The following TRMT2B variants were observed in gnomAD, a reference collection of about 807,000 sequenced individuals.
TRMT2B encodes tRNA (uracil-5-)-methyltransferase homolog B.
A neutral mutation model predicts 39.7 loss-of-function variants in TRMT2B; 34 were observed. The observed-to-expected ratio is 0.86, with a 90% CI of 0.65 to 1.14. TRMT2B has a LOEUF of 1.14. Among genes scored for constraint, TRMT2B ranks in the 50% most tolerant of loss-of-function variants. The pLI, the probability that TRMT2B is intolerant of heterozygous loss-of-function variation, is 0.00. For missense variants in TRMT2B, 318 were observed against 377.2 expected (o/e 0.84, Z 1.30); for synonymous variants, 132 against 137.3 (o/e 0.96, Z 0.27).
chrX:101,031,711 GAAA>G (rs35274868), intron 7 of TRMT2B, among the ~76,000 whole-genome samples: 12 of 84,076 alleles, frequency 1.4e-4, no homozygotes, highest in African/African-American at 5.1e-4. Context: ...TCTGTCGTAG[GAAA>G]AAAAAAAAAA....
chrX:100,975,064 T>C, the TRMT2B span, among the ~76,000 whole-genome samples: 1 of 111,813 alleles, frequency 8.9e-6, no homozygotes, highest in East Asian at 2.8e-4. Flanking sequence ...AAGGACTTAA[T>C]ATAAAAGTCT....
intron 10 of TRMT2B, 115 bp from the exon 11 acceptor site, chrX:101,020,703 T>A (rs996384887): frequency 1.7e-6 from 1 of 596,166 alleles, no homozygotes; most frequent in Non-Finnish European, 2.8e-6. Context: ...AGGGTCTCAC[T>A]CTGTAGCCTA....
chrX:101,035,213 G>A (rs771498399), intron 7 of TRMT2B, among the ~76,000 whole-genome samples: 13 of 110,890 alleles, frequency 1.2e-4, no homozygotes, highest in African/African-American at 2.3e-4. Context: ...AGAAAAAAAC[G>A]TATCAGAGGC....
chrX:101,003,972 A>G, the TRMT2B span, among the ~76,000 whole-genome samples: 1 of 109,664 alleles, frequency 9.1e-6, no homozygotes, highest in African/African-American at 3.3e-5. Flanking sequence ...CTGGGACTAC[A>G]GACATGCACC....
chrX:101,016,347 T>A (rs2086510450), intron 13 of TRMT2B, among the ~76,000 whole-genome samples: 1 of 112,042 alleles, frequency 8.9e-6, no homozygotes, highest in South Asian at 3.7e-4. Flanking sequence ...AATGATATAA[T>A]ATGTGGTCTT....
At chrX:100,986,850 C>A in the TRMT2B span, 1 of 1,204,099 alleles carries the variant, frequency 8.3e-7, no homozygotes, top group African/African-American at 1.8e-5. Flanking sequence ...ATATTATTGA[C>A]TATCTACTTC....
At chrX:101,022,911 C>G (rs1248604383) in intron 8 of TRMT2B, among the ~76,000 whole-genome samples, 1 of 112,093 alleles carries the variant, frequency 8.9e-6, no homozygotes, top group Non-Finnish European at 1.9e-5. Context: ...CATCAGGCAT[C>G]AAAGGACCTG....
chrX:101,032,822 G>A lies in TRMT2B; in HGVS notation c.609+2791C>T, dbSNP rs928186659. On this transcript the variant is annotated intron_variant, in intron 7 of 13. Coordinates refer to ENST00000372936, the MANE Select transcript of TRMT2B (RefSeq NM_024917.6). Reference sequence around the variant, plus strand: ...CTAGAGACCAGCAAAAGAAGCCCCAGGATAACAGCCATGCAGAAGACAGGC... The same window carrying A: ...CTAGAGACCAGCAAAAGAAGCCCCAAGATAACAGCCATGCAGAAGACAGGC... 5.7e-5 allele frequency among the ~76,000 whole-genome samples: 6 copies of A among 106,017 alleles called. No individual in the cohort carries two copies. The Admixed American group carries it at 6.3e-4, about 11-fold the overall frequency. 92.1% of individuals were successfully genotyped at this position (106,017 alleles called of 115,157 possible). A position where few individuals can be genotyped will look rare whatever the true frequency, so the allele number is the denominator to read the frequency against.
downstream of TRMT2B, among the ~76,000 whole-genome samples, chrX:101,008,205 T>C (rs1267509421): frequency 8.9e-6 from 1 of 111,982 alleles, no homozygotes; most frequent in Non-Finnish European, 1.9e-5. Flanking sequence ...AAAGGAACTC[T>C]GTTTTCTGGC....
chrX:101,039,131 A>T (rs12387839), intron 4 of TRMT2B, among the ~76,000 whole-genome samples: 1,713 of 109,869 alleles, frequency 0.016, 48 homozygotes, highest in African/African-American at 0.055. Flanking sequence ...TGCAGTGGCG[A>T]GATCTCTGCT....
chrX:101,030,696 T>G (rs748041114), intron 7 of TRMT2B, among the ~76,000 whole-genome samples: 8 of 109,949 alleles, frequency 7.3e-5, no homozygotes, highest in Non-Finnish European at 1.5e-4. Context: ...TCCGCCCGCC[T>G]TGGGCTCCCA....
chrX:100,975,314 C>T, the TRMT2B span, among the ~76,000 whole-genome samples: 1 of 111,239 alleles, frequency 9.0e-6, no homozygotes, highest in African/African-American at 3.3e-5. Flanking sequence ...TCATTATCTA[C>T]CTGCTAAATC....
In TRMT2B at chrX:101,023,438, G is replaced by A. The variant is rs541250513; in HGVS notation, c.756+32C>T. On this transcript the variant is annotated intron_variant, in intron 8 of 13. Coordinates refer to ENST00000372936, the MANE Select transcript of TRMT2B (RefSeq NM_024917.6). ...ACAGTTATAGTTAGTAGTAGTAAAA[G>A]TTAAGGTTGCTTAACATCTTGTGAG... 1.9e-4 allele frequency: 227 copies of A among 1,194,912 alleles called. 1 individual carries two copies. The South Asian group carries it at 3.7e-3, about 20-fold the overall frequency.
chrX:101,027,735 TTC>T (rs2087195965), intron 7 of TRMT2B, among the ~76,000 whole-genome samples: 1 of 111,093 alleles, frequency 9.0e-6, no homozygotes, highest in Non-Finnish European at 1.9e-5. Context: ...ACTCCTGGAT[TTC>T]TCTCTCTTGA....
chrX:100,975,910 A>G, the TRMT2B span, among the ~76,000 whole-genome samples: 1 of 110,829 alleles, frequency 9.0e-6, no homozygotes, highest in Non-Finnish European at 1.9e-5. Flanking sequence ...CTGGAATTAC[A>G]GGTGTGAGCC....
intron 7 of TRMT2B, among the ~76,000 whole-genome samples, chrX:101,027,365 G>A (rs766427813): frequency 9.2e-6 from 1 of 108,903 alleles, no homozygotes; most frequent in South Asian, 4.1e-4. Context: ...CTGAGTAGCT[G>A]GGACTACAGG....
intron 9 of TRMT2B, among the ~76,000 whole-genome samples, 200 bp downstream of exon 9, chrX:101,021,768 G>A (rs2086815424): frequency 8.9e-6 from 1 of 112,914 alleles, no homozygotes; most frequent in African/African-American, 3.2e-5. Context: ...AGCTCTGCAA[G>A]GGTTTCCCCC....
At chrX:100,977,851 G>A in the TRMT2B span, among the ~76,000 whole-genome samples, 1 of 111,971 alleles carries the variant, frequency 8.9e-6, no homozygotes, top group Non-Finnish European at 1.9e-5. Context: ...CTTTTTTTAT[G>A]GCTAAATAGT....
downstream of TRMT2B, among the ~76,000 whole-genome samples, chrX:101,007,147 TAAAAAC>T (rs2086114090): frequency 9.0e-6 from 1 of 111,402 alleles, no homozygotes; most frequent in African/African-American, 3.3e-5. Context: ...ATATTTAAGT[TAAAAAC>T]AGAAAGGTAA....
Sources: gnomAD v4.1 joint callset for allele counts (sites outside exome capture counted in the v4.1 genomes callset) on GRCh38, gnomAD v4.1.1 for gene constraint, MANE v1.5 for transcripts, NCBI Gene and HGNC (gene_info 2026-07-23, HGNC 2026-07-21) for gene names.